METRN: variants seen among roughly 807,000 people sequenced by gnomAD.
METRN encodes meteorin.
METRN carries 17 observed loss-of-function variants against 17.4 expected under a neutral mutation model. That is an observed-to-expected ratio of 0.98 (90% confidence interval 0.67 to 1.46). METRN has a LOEUF of 1.46. Among genes scored for constraint, METRN ranks in the 40% most tolerant of loss-of-function variants. The pLI is 0.00. For synonymous variants in METRN, 230 were observed against 210.8 expected, an observed-to-expected ratio of 1.09 and a Z score of -0.79; for missense variants, 489 against 456.2, an observed-to-expected ratio of 1.07 and a Z score of -0.65.
At chr16:716,724 C>T (rs1311060524) in intron 2 of METRN, 3 of 1,535,462 alleles carry the variant, frequency 2.0e-6, no homozygotes, top group East Asian at 2.4e-5. Context: ...AGGTACGCGC[C>T]TGCAAGTGTG....
intron 2 of METRN, chr16:716,418 C>A: frequency 2.8e-6 from 4 of 1,432,732 alleles, no homozygotes; most frequent in Non-Finnish European, 3.6e-6. Flanking sequence ...CCCTGCAGGG[C>A]ACCAGGCCCA....
At position 715,602 on chromosome 16, in the gene METRN, C is replaced by T. The variant is rs1333950904; in HGVS notation, c.123C>T (p.Pro41=). 1 of 1,392,698 alleles carries T rather than the reference C, an allele frequency of 7.2e-7. No individual in the cohort carries two copies. Among genetic ancestry groups the T allele is most frequent in the Non-Finnish European group, 9.3e-7 (1 of 1,078,920 alleles). The allele number at this position is 1,392,698 out of a possible 1,614,324, so 86.3% of individuals were successfully genotyped here. A position where few individuals can be genotyped will look rare whatever the true frequency, so the allele number is the denominator to read the frequency against. The change falls in exon 2 of 4, where the codon CCC becomes CCT. Residue 41 remains proline, a synonymous_variant. Transcript: ENST00000568223. Reference sequence around the variant, plus strand: ...TCCCCAGCGGCCTCACCCAGGAGCCCGGCAGCGTGGGGCAGCTGGCCCTGG... The same window carrying T: ...TCCCCAGCGGCCTCACCCAGGAGCCTGGCAGCGTGGGGCAGCTGGCCCTGG... The part of the protein sequence containing the change: ...SWRGSGLTQE[P]GSVGQLALAC...
Position 717,369 on chromosome 16 carries a change from C to A in METRN, c.864C>A (p.Cys288Ter). The change falls in exon 4 of 4, where the codon TGC (cysteine) becomes TGA (stop). Residue 288 changes from cysteine to a stop codon, truncating the protein, a stop_gained. Coordinates refer to ENST00000568223, the MANE Select transcript of METRN (RefSeq NM_024042.4). LOFTEE classifies it high-confidence loss of function. ...CCCGTGCTGCCCACCTCCACCCCTG[C>A]GAGGTGGCGCTGCACTGAGGGGCTG... Reference protein sequence around the residue: ...EAARAAHLHPCEVALH With the variant: ...EAARAAHLHP 1 of 1,391,548 alleles carries A rather than the reference C, an allele frequency of 7.2e-7. No homozygotes were observed. The highest frequency in any genetic ancestry group is 9.3e-7 in the Non-Finnish European group (1 of 1,075,092). 86.2% of individuals were successfully genotyped at this position (1,391,548 alleles called of 1,614,324 possible).
rs1241897078 is a variant in METRN at position 715,953 on chromosome 16, G to T, written c.474G>T (p.Leu158=). 18 of 1,497,532 alleles carry T rather than the reference G, an allele frequency of 1.2e-5. No homozygotes were observed. The highest frequency in any genetic ancestry group is 1.6e-5 in the Non-Finnish European group (18 of 1,130,604). 92.8% of individuals were successfully genotyped at this position (1,497,532 alleles called of 1,614,324 possible). A position where few individuals can be genotyped will look rare whatever the true frequency, so the allele number is the denominator to read the frequency against. Residue 158 remains leucine, a synonymous_variant, in exon 2 of 4, where the codon CTG becomes CTT. Transcript: ENST00000568223. The stretch of plus-strand genomic sequence containing the variant: ...TGCGCGAGGACGGGCGCCCCGAGCT[G>T]CCCCCGCAGGCCCACGGTCTCGGCG... ...FELREDGRPE[L]PPQAHGLGVD... is the part of the protein sequence containing the mutation.
Position 715,646 on chromosome 16 carries a change from T to C in METRN, c.167T>C (p.Val56Ala). The C allele has an allele frequency of 7.0e-7, 1 of 1,436,416 alleles. No homozygotes were observed. Among genetic ancestry groups the C allele is most frequent in the Non-Finnish European group, 9.1e-7 (1 of 1,100,550 alleles). The allele number at this position is 1,436,416 out of a possible 1,614,324, so 89.0% of individuals were successfully genotyped here. A position where few individuals can be genotyped will look rare whatever the true frequency, so the allele number is the denominator to read the frequency against. ...GCCCTGGCCTGTGCGGAGGGCGCGG[T>C]TGAGTGGCTGTACCCGGCTGGGGCG... ...QLALACAEGA[V>A]EWLYPAGALR... Residue 56 changes from valine (V) to alanine (A), a missense_variant, in exon 2 of 4, where the codon GTT becomes GCT. Val to Ala is a moderately conservative substitution (Grantham distance 64). Coordinates refer to ENST00000568223, the MANE Select transcript of METRN (RefSeq NM_024042.4).
chr16:715,624 C>T lies in METRN; in HGVS notation c.145C>T (p.Leu49=), dbSNP rs1470527963. The T allele has an allele frequency of 7.0e-7, 1 of 1,432,780 alleles. No individual in the cohort carries two copies. Among genetic ancestry groups the T allele is most frequent in the Admixed American group, 2.7e-5 (1 of 36,460 alleles). The allele number at this position is 1,432,780 out of a possible 1,614,324, so 88.8% of individuals were successfully genotyped here. A position where few individuals can be genotyped will look rare whatever the true frequency, so the allele number is the denominator to read the frequency against. ...QEPGSVGQLA[L]ACAEGAVEWL... is the part of the protein sequence containing the mutation. ...GCCCGGCAGCGTGGGGCAGCTGGCC[C>T]TGGCCTGTGCGGAGGGCGCGGTTGA... Residue 49 remains leucine (L), a synonymous_variant, in exon 2 of 4, where the codon CTG becomes TTG. Transcript: ENST00000568223.
intron 2 of METRN, 135 bp from the exon 3 acceptor site, chr16:716,798 G>A (rs983509018): frequency 5.9e-6 from 9 of 1,519,416 alleles, no homozygotes; most frequent in African/African-American, 4.1e-5. Context: ...GGGACCCCCA[G>A]GTGCCATCAG....
At position 715,750 on chromosome 16, in the gene METRN, G is replaced by A; in HGVS notation, c.271G>A (p.Gly91Ser). The change falls in exon 2 of 4, where the codon GGC becomes AGC. Residue 91 changes from glycine (G) to serine (S), a missense_variant. Gly to Ser is a moderately conservative substitution (Grantham distance 56, BLOSUM62 0). Coordinates refer to ENST00000568223, the MANE Select transcript of METRN (RefSeq NM_024042.4). ...TCTGCGGCCGGTGCGGCCCTTCGCG[G>A]GCGCCCAGGTCTTCGCGGAGCGCGC... ...ACLRPVRPFA[G>S]AQVFAERAGG... 1 of 1,288,338 alleles carries A rather than the reference G, an allele frequency of 7.8e-7. No homozygotes were observed. Among genetic ancestry groups the A allele is most frequent in the Non-Finnish European group, 9.8e-7 (1 of 1,022,192 alleles). The allele number at this position is 1,288,338 out of a possible 1,614,324, so 79.8% of individuals were successfully genotyped here. A position where few individuals can be genotyped will look rare whatever the true frequency, so the allele number is the denominator to read the frequency against.
In METRN at chr16:715,287, GC is replaced by G; in HGVS notation, c.-1del. The stretch of plus-strand genomic sequence containing the variant: ...CGACTCCCCGGACGCCGCCCGCCGT[GC>G]CATGGGGTTCCCGGCCGCGGCGCTG... On this transcript the variant is annotated 5_prime_UTR_variant, in exon 1 of 4. Transcript: ENST00000568223. 7.6e-7 allele frequency: 1 copy of G among 1,324,316 alleles called. No individual in the cohort carries two copies. The highest frequency in any genetic ancestry group is 1.8e-5 in the South Asian group (1 of 54,958). 82.0% of individuals were successfully genotyped at this position (1,324,316 alleles called of 1,614,324 possible). A position where few individuals can be genotyped will look rare whatever the true frequency, so the allele number is the denominator to read the frequency against.
At chr16:717,026 C>T (rs1351754740) in intron 3 of METRN, 34 bp downstream of exon 3, 2 of 1,611,510 alleles carry the variant, frequency 1.2e-6, no homozygotes, top group Non-Finnish European at 1.7e-6. Flanking sequence ...AGCCTGGAGC[C>T]TGCCTTCCCC....
At chr16:716,897 G>A in intron 2 of METRN, 36 bp from the exon 3 acceptor site, 2 of 1,532,332 alleles carry the variant, frequency 1.3e-6, no homozygotes, top group South Asian at 1.3e-5. Flanking sequence ...CCGGGAGAGG[G>A]CAGGGCCTCT....
At position 715,342 on chromosome 16, in the gene METRN, C is replaced by A; in HGVS notation, c.53C>A (p.Ala18Asp). 1 of 1,341,494 alleles carries A rather than the reference C, an allele frequency of 7.5e-7. No homozygotes were observed. 83.1% of individuals were successfully genotyped at this position (1,341,494 alleles called of 1,614,324 possible). The change falls in exon 1 of 4, where the codon GCC (alanine) becomes GAC (aspartate). Residue 18 changes from alanine (A) to aspartate (D), a missense_variant. By Grantham distance (126) the Ala-to-Asp change is moderately radical. Coordinates refer to ENST00000568223, the MANE Select transcript of METRN (RefSeq NM_024042.4). ...TGCGCGCTGTGCTGCGGCCTCCTGG[C>A]CCCGGCTGCCCGCGCCGGCTACTCC... is the stretch of plus-strand genomic sequence containing the variant. ...LLCALCCGLL[A>D]PAARAGYSEE...
In METRN at chr16:715,879, A is replaced by G. The variant is rs2040157257; in HGVS notation, c.400A>G (p.Thr134Ala). Residue 134 changes from threonine (T) to alanine (A), a missense_variant, in exon 2 of 4, where the codon ACG (threonine) becomes GCG (alanine). By Grantham distance (58) the Thr-to-Ala change is moderately conservative. Coordinates refer to ENST00000568223, the MANE Select transcript of METRN (RefSeq NM_024042.4). Reference sequence around the variant, plus strand: ...GCGCCGGGCCCTCTTCCTGCAGGCCACGCCGCACCAGGACATCAGCCGCCG... The same window carrying G: ...GCGCCGGGCCCTCTTCCTGCAGGCCGCGCCGCACCAGGACATCAGCCGCCG... ...RERRALFLQA[T>A]PHQDISRRVA... 4 of 1,430,456 alleles carry G rather than the reference A, an allele frequency of 2.8e-6. No homozygotes were observed. The highest frequency in any genetic ancestry group is 1.8e-6 in the Non-Finnish European group (2 of 1,097,684). The allele number at this position is 1,430,456 out of a possible 1,614,324, so 88.6% of individuals were successfully genotyped here.
At chr16:716,206 G>A (rs980899778) in intron 2 of METRN, 36 of 985,454 alleles carry the variant, frequency 3.7e-5, no homozygotes, top group Non-Finnish European at 4.2e-5. Flanking sequence ...GGGCAGAGTG[G>A]AGGGAAGGGG....
Position 717,521 on chromosome 16 carries a change from G to A in METRN, c.*134G>A. ...GTCTCCTGTGTCCAGCCCAGCCTTG[G>A]GCCTGCCTCGCAGCTGTGAGGATGG... On this transcript the variant is annotated 3_prime_UTR_variant, in exon 4 of 4. Transcript: ENST00000568223. 1.2e-6 allele frequency: 1 copy of A among 813,618 alleles called. No homozygotes were observed. 50.4% of individuals were successfully genotyped at this position (813,618 alleles called of 1,614,324 possible).
chr16:716,558 G>A, intron 2 of METRN: 1 of 1,534,720 alleles, frequency 6.5e-7, no homozygotes, highest in Non-Finnish European at 8.7e-7. Context: ...TATCACCCTA[G>A]CTGGGCTGCT....
Position 715,182 on chromosome 16 carries a change from G to C in METRN, c.-108G>C, listed in dbSNP as rs2040149569. ...GGCCGCGGGCTTGGGGGCTTCGCCG[G>C]GGCCGGGCGGCCGGCGCCCCCGGCT... On this transcript the variant is annotated 5_prime_UTR_variant, in exon 1 of 4. Coordinates refer to ENST00000568223, the MANE Select transcript of METRN (RefSeq NM_024042.4). 3.2e-6 allele frequency: 1 copy of C among 313,694 alleles called. No individual in the cohort carries two copies. The highest frequency in any genetic ancestry group is 4.6e-6 in the Non-Finnish European group (1 of 218,930). 19.4% of individuals were successfully genotyped at this position (313,694 alleles called of 1,614,324 possible). A position where few individuals can be genotyped will look rare whatever the true frequency, so the allele number is the denominator to read the frequency against.
rs151238869 is a variant in METRN at position 715,479 on chromosome 16, G to A, written c.104+86G>A. ...AGGCGCCCCTCGGAGCGCGCAGAGC[G>A]CTGGGCCGGTTTCCCCATCCGCGAG... On this transcript the variant is annotated intron_variant, in intron 1 of 3. Coordinates refer to ENST00000568223, the MANE Select transcript of METRN (RefSeq NM_024042.4). 8.8e-3 allele frequency: 11,145 copies of A among 1,260,742 alleles called. 248 individuals are homozygous for A. Among genetic ancestry groups the A allele is most frequent in the South Asian group, 0.059 (2,289 of 38,726 alleles). The allele number at this position is 1,260,742 out of a possible 1,614,324, so 78.1% of individuals were successfully genotyped here. A position where few individuals can be genotyped will look rare whatever the true frequency, so the allele number is the denominator to read the frequency against.
Position 717,460 on chromosome 16 carries a change from A to G in METRN, c.*73A>G, listed in dbSNP as rs777424349. On this transcript the variant is annotated 3_prime_UTR_variant, in exon 4 of 4. Transcript: ENST00000568223. ...TGCTTTGGAGGTGATGGGACTATCA[A>G]TAAGAACTCTGTTCACGCAAGCTGC... 63 of 1,297,634 alleles carry G rather than the reference A, an allele frequency of 4.9e-5. No individual in the cohort carries two copies. Among genetic ancestry groups the G allele is most frequent in the African/African-American group, 6.1e-5 (4 of 65,764 alleles). 80.4% of individuals were successfully genotyped at this position (1,297,634 alleles called of 1,614,324 possible). A position where few individuals can be genotyped will look rare whatever the true frequency, so the allele number is the denominator to read the frequency against.
Sources: gnomAD v4.1 joint callset for allele counts on GRCh38, gnomAD v4.1.1 for gene constraint, MANE v1.5 for transcripts, NCBI Gene and HGNC (gene_info 2026-07-23, HGNC 2026-07-21) for gene names.